CCT4: variants seen among roughly 807,000 people sequenced by gnomAD.
CCT4 encodes the protein chaperonin containing TCP1 subunit 4.
Under a neutral mutation model 62.5 loss-of-function variants are expected in CCT4, and 17 were observed. That is an observed-to-expected ratio of 0.27 (90% CI 0.19 to 0.41). The LOEUF (loss-of-function observed/expected upper bound fraction) is 0.41. Among genes scored for constraint, CCT4 ranks in the 10% least tolerant of loss-of-function variants. The probability of loss-of-function intolerance (pLI) is 1.00; values close to 1 mark genes in which losing one functional copy is unlikely to be tolerated. For synonymous variants in CCT4, 250 were observed against 229.9 expected, an observed-to-expected ratio of 1.09 and a Z score of -0.79; for missense variants, 592 against 659.2, an observed-to-expected ratio of 0.90 and a Z score of 1.12.
Position 61,877,482 on chromosome 2 carries a change from T to C in CCT4, c.555A>G (p.Pro185=), listed in dbSNP as rs1669026288. The change falls in exon 6 of 14, where the codon CCA becomes CCG. Residue 185 remains proline, a synonymous_variant. Coordinates refer to ENST00000394440, the MANE Select transcript of CCT4 (RefSeq NM_006430.4). ...VVSQYSSLLS[P]MSVNAVMKVI... ...CTTTCATCACTGCATTTACACTCAT[T>C]GGAGAAAGCAGACTTGAATACTGAG... The C allele has an allele frequency of 1.2e-6, 2 of 1,607,374 alleles. No individual in the cohort carries two copies. Among genetic ancestry groups the C allele is most frequent in the Non-Finnish European group, 1.7e-6 (2 of 1,176,722 alleles).
chr2:61,872,033 A>T, intron 12 of CCT4, 49 bp downstream of exon 12: 1 of 1,316,516 alleles, frequency 7.6e-7, no homozygotes, highest in Non-Finnish European at 1.1e-6. Context: ...CAAAGCTTTT[A>T]ATATTTTAAA....
intron 3 of CCT4, among the ~76,000 whole-genome samples, chr2:61,881,956 G>C (rs183684177): frequency 2.0e-5 from 3 of 148,536 alleles, no homozygotes; most frequent in African/African-American, 7.4e-5. Context: ...TTTTTGAGAC[G>C]GAGTCTTACT....
At chr2:61,868,812 G>A in intron 13 of CCT4, 106 bp from the exon 14 acceptor site, 1 of 812,230 alleles carries the variant, frequency 1.2e-6, no homozygotes, top group South Asian at 1.4e-5. Context: ...AAGAACTGCT[G>A]TCACCTTGAT....
intron 8 of CCT4, among the ~76,000 whole-genome samples, chr2:61,875,207 C>G (rs1477290078): frequency 6.7e-6 from 1 of 150,242 alleles, no homozygotes; most frequent in African/African-American, 2.4e-5. Flanking sequence ...CTTGTAACTG[C>G]AAGGAAAAAT....
rs542560156 is a variant in CCT4, at chr2:61,880,010, G to A, written c.379+276C>T. ...CTCAAAGTGCTGGAATTACAGGCAT[G>A]AGCCACCACGCCCGGCCTCTACCAC... On this transcript the variant is annotated intron_variant, in intron 4 of 13. Transcript: ENST00000394440. Among the ~76,000 whole-genome samples the A allele has an allele frequency of 1.1e-3, 172 of 152,060 alleles. 1 individual carries two copies. The highest frequency in any genetic ancestry group is 1.2e-3 in the Non-Finnish European group (84 of 68,006).
chr2:61,887,542 A>C (rs1669285854), intron 1 of CCT4, among the ~76,000 whole-genome samples: 1 of 152,188 alleles, frequency 6.6e-6, no homozygotes, highest in East Asian at 1.9e-4. Context: ...TATACTCAAT[A>C]TACACTCGGG....
At chr2:61,879,308 C>A (rs1396758150) in intron 4 of CCT4, among the ~76,000 whole-genome samples, 1 of 131,442 alleles carries the variant, frequency 7.6e-6, no homozygotes, top group African/African-American at 2.9e-5. Flanking sequence ...GTCACCCAGG[C>A]TAGAGTGCAG....
intron 10 of CCT4, among the ~76,000 whole-genome samples, 184 bp downstream of exon 10, chr2:61,872,818 C>T (rs1668912140): frequency 1.3e-5 from 2 of 151,938 alleles, no homozygotes; most frequent in Non-Finnish European, 2.9e-5. Flanking sequence ...TCCCAGCTTC[C>T]CGGGAGGCTG....
rs751467696 is a variant in CCT4 at position 61,873,077 on chromosome 2, T to A, written c.1050A>T (p.Gln350His). The change falls in exon 10 of 14, where the codon CAA becomes CAT. Residue 350 changes from glutamine (Q) to histidine (H), a missense_variant. By Grantham distance (24) the Gln-to-His change is conservative (BLOSUM62 0). Coordinates refer to ENST00000394440, the MANE Select transcript of CCT4 (RefSeq NM_006430.4). ...IGTKPVAHIDQFTADMLGSAE... is the reference protein window; with the variant it reads ...IGTKPVAHIDHFTADMLGSAE... ...CAGAACCCAGCATGTCAGCAGTAAA[T>A]TGGTCAATATGAGCAACTGGCTTGG... is the stretch of plus-strand genomic sequence containing the variant. 1 of 1,613,028 alleles carries A rather than the reference T, an allele frequency of 6.2e-7. No homozygotes were observed. Among genetic ancestry groups the A allele is most frequent in the Non-Finnish European group, 8.5e-7 (1 of 1,178,948 alleles).
At chr2:61,872,355 A>G in intron 11 of CCT4, 39 bp from the exon 12 acceptor site, 1 of 1,467,332 alleles carries the variant, frequency 6.8e-7, no homozygotes, top group South Asian at 1.3e-5. Context: ...ATTTTATCCA[A>G]AAGAAAATTA....
intron 1 of CCT4, among the ~76,000 whole-genome samples, chr2:61,887,241 T>C (rs1023715878): frequency 3.3e-5 from 5 of 152,194 alleles, no homozygotes; most frequent in African/African-American, 1.2e-4. Context: ...AACTATTACT[T>C]TTTCTTACAT....
chr2:61,883,196 G>A (rs1210582801), intron 3 of CCT4, among the ~76,000 whole-genome samples: 3 of 152,114 alleles, frequency 2.0e-5, no homozygotes, highest in African/African-American at 7.2e-5. Flanking sequence ...GGCCAACGTA[G>A]GTGGATCACA....
In CCT4 at chr2:61,868,241, C is replaced by T. The variant is rs1275316271; in HGVS notation, c.*451G>A. On this transcript the variant is annotated 3_prime_UTR_variant, in exon 14 of 14. Transcript: ENST00000394440. ...TTTCATTTTTCATTCTCTTTCTGTACCATTAACTTATTTTTGTTTTAACTG... is the reference window on the plus strand; with the variant it reads ...TTTCATTTTTCATTCTCTTTCTGTATCATTAACTTATTTTTGTTTTAACTG... 6.4e-6 allele frequency: 1 copy of T among 157,260 alleles called. No homozygotes were observed. Among genetic ancestry groups the T allele is most frequent in the Non-Finnish European group, 1.4e-5 (1 of 71,316 alleles). 9.7% of individuals were successfully genotyped at this position (157,260 alleles called of 1,614,324 possible). A position where few individuals can be genotyped will look rare whatever the true frequency, so the allele number is the denominator to read the frequency against.
At chr2:61,872,649 C>T (rs1389103832) in intron 10 of CCT4, 61 bp from the exon 11 acceptor site, 36 of 1,576,394 alleles carry the variant, frequency 2.3e-5, no homozygotes, top group Non-Finnish European at 2.7e-5. Flanking sequence ...ACACCCAGGC[C>T]GGGCACGGCG....
At chr2:61,876,545 T>C (rs1048723209) in intron 7 of CCT4, among the ~76,000 whole-genome samples, 4 of 152,170 alleles carry the variant, frequency 2.6e-5, no homozygotes, top group Admixed American at 2.0e-4. Context: ...ATTTGTAAAT[T>C]AACAGCAACA....
In CCT4 at chr2:61,877,530, A is replaced by C; in HGVS notation, c.523-16T>G. Reference sequence around the variant, plus strand: ...GAGAAACCACCTAGAATTATTAAAAAAAAAAAAAAGTTACCTTCACAGTAG... The same window carrying C: ...GAGAAACCACCTAGAATTATTAAAACAAAAAAAAAGTTACCTTCACAGTAG... On this transcript the variant is annotated splice_polypyrimidine_tract_variant and intron_variant, in intron 5 of 13. Coordinates refer to ENST00000394440, the MANE Select transcript of CCT4 (RefSeq NM_006430.4). 1 of 1,542,504 alleles carries C rather than the reference A, an allele frequency of 6.5e-7. No homozygotes were observed. The highest frequency in any genetic ancestry group is 8.7e-7 in the Non-Finnish European group (1 of 1,150,884).
chr2:61,877,128 A>T, intron 6 of CCT4, 76 bp from the exon 7 acceptor site: 1 of 1,309,820 alleles, frequency 7.6e-7, no homozygotes, highest in Non-Finnish European at 1.1e-6. Context: ...GAACAGATTA[A>T]AAGTCATCAG....
At chr2:61,877,709 A>C (rs542522156) in intron 5 of CCT4, among the ~76,000 whole-genome samples, 195 bp from the exon 6 acceptor site, 11 of 152,210 alleles carry the variant, frequency 7.2e-5, no homozygotes, top group Admixed American at 3.3e-4. Flanking sequence ...ACAAAATAAA[A>C]ACATGTATGC....
chr2:61,869,677 A>G (rs1668843847), intron 12 of CCT4, 124 bp from the exon 13 acceptor site: 1 of 643,540 alleles, frequency 1.6e-6, no homozygotes, highest in Non-Finnish European at 2.9e-6. Flanking sequence ...AGATTAGAAT[A>G]TGATACTCTA....
Sources: gnomAD v4.1 joint callset for allele counts (sites outside exome capture counted in the v4.1 genomes callset) on GRCh38, gnomAD v4.1.1 for gene constraint, MANE v1.5 for transcripts, NCBI Gene and HGNC (gene_info 2026-07-23, HGNC 2026-07-21) for gene names.